The following ZBTB40 variants were observed in gnomAD, a reference collection of about 807,000 sequenced individuals.
ZBTB40 encodes zinc finger and BTB domain containing 40.
ZBTB40 carries 60 observed loss-of-function variants against 117.5 expected under a neutral mutation model. The observed-to-expected ratio is 0.51, with a 90% CI of 0.41 to 0.63. The LOEUF is 0.63. Ranked by LOEUF, ZBTB40 falls within the 30% of genes least tolerant of loss-of-function variation. ZBTB40 has a pLI of 0.00. For missense variants in ZBTB40, 1,287 were observed against 1,498.5 expected (o/e 0.86, Z 2.33); for synonymous variants, 525 against 577.1 (o/e 0.91, Z 1.29).
intron 1 of ZBTB40, among the ~76,000 whole-genome samples, chr1:22,461,952 A>G (rs1366097854): frequency 6.6e-6 from 1 of 152,150 alleles, no homozygotes; most frequent in Non-Finnish European, 1.5e-5. Flanking sequence ...CTGGGGCCAC[A>G]TGGGCTCCCA....
At chr1:22,501,465 A>G (rs374622337) in intron 3 of ZBTB40, 27 bp from the exon 4 acceptor site, 4 of 1,613,704 alleles carry the variant, frequency 2.5e-6, no homozygotes, top group Non-Finnish European at 3.4e-6. Context: ...TCGCTAATCT[A>G]TCTTTCTGGG....
intron 1 of ZBTB40, among the ~76,000 whole-genome samples, chr1:22,477,664 GAAAAGAAAA>G (rs1373746930): frequency 2.3e-4 from 34 of 146,990 alleles, no homozygotes; most frequent in African/African-American, 7.7e-4. Context: ...AAAAAAAAAA[GAAAAGAAAA>G]GAAAGAAAGC....
chr1:22,481,764 G>A (rs571616514), intron 1 of ZBTB40, among the ~76,000 whole-genome samples: 37 of 102,938 alleles, frequency 3.6e-4, no homozygotes, highest in African/African-American at 1.2e-3. Context: ...ACTGTAATCC[G>A]TAAGACTTAT....
At chr1:22,483,809 A>G (rs936597318) in intron 1 of ZBTB40, among the ~76,000 whole-genome samples, 2 of 152,244 alleles carry the variant, frequency 1.3e-5, no homozygotes, top group African/African-American at 2.4e-5. Flanking sequence ...TTGGTGTTGT[A>G]CCTAAAAAGA....
At chr1:22,488,865 C>T (rs894619268) in intron 1 of ZBTB40, among the ~76,000 whole-genome samples, 4 of 152,068 alleles carry the variant, frequency 2.6e-5, no homozygotes, top group African/African-American at 9.7e-5. Flanking sequence ...CTGCAGTAAT[C>T]TAGGTAAGAG....
chr1:22,510,520 C>G (rs1371934167), intron 9 of ZBTB40, among the ~76,000 whole-genome samples: 2 of 152,138 alleles, frequency 1.3e-5, no homozygotes, highest in Non-Finnish European at 2.9e-5. Flanking sequence ...ATGAAAATTC[C>G]GTTTGGCCAT....
At chr1:22,461,095 C>T (rs1043364480) in intron 1 of ZBTB40, among the ~76,000 whole-genome samples, 3 of 152,166 alleles carry the variant, frequency 2.0e-5, no homozygotes, top group African/African-American at 7.2e-5. Context: ...AATTAAATAA[C>T]AATGAAACTT....
chr1:22,502,804 C>T (rs1638977724), intron 5 of ZBTB40, among the ~76,000 whole-genome samples: 1 of 152,092 alleles, frequency 6.6e-6, no homozygotes, highest in Non-Finnish European at 1.5e-5. Flanking sequence ...ACAACTGTAT[C>T]CAGAATTAAA....
At chr1:22,505,431 T>C (rs1035961693) in intron 5 of ZBTB40, among the ~76,000 whole-genome samples, 8 of 152,194 alleles carry the variant, frequency 5.3e-5, no homozygotes, top group Non-Finnish European at 1.2e-4. Flanking sequence ...TGCTGAATTA[T>C]GACTGGAGCT....
In ZBTB40 at chr1:22,467,776, G is replaced by GT. The variant is rs35900750; in HGVS notation, c.-70+15791dup. Among the ~76,000 whole-genome samples, 323 of 130,432 alleles carry GT rather than the reference G, an allele frequency of 2.5e-3. 1 individual carries two copies. Among genetic ancestry groups the GT allele is most frequent in the South Asian group, 6.3e-3 (25 of 3,988 alleles). The allele number at this position is 130,432 out of a possible 152,430, so 85.6% of individuals were successfully genotyped here. A position where few individuals can be genotyped will look rare whatever the true frequency, so the allele number is the denominator to read the frequency against. ...AGACATGAGCCACTGTGTCAGGCCT[G>GT]TTTTTTTTTTTTTTTTTTTCCTGAT... On this transcript the variant is annotated intron_variant, in intron 1 of 17. Transcript: ENST00000375647.
rs774391940 is a variant in ZBTB40, at chr1:22,508,120, G to C, written c.1480G>C (p.Ala494Pro). 6.2e-7 allele frequency: 1 copy of C among 1,613,874 alleles called. No homozygotes were observed. Among genetic ancestry groups the C allele is most frequent in the Non-Finnish European group, 8.5e-7 (1 of 1,180,018 alleles). The change falls in exon 7 of 18, where the codon GCC becomes CCC. Residue 494 changes from alanine (A) to proline (P), a missense_variant. Around this residue, in one of 2 missense-constraint regions of ZBTB40, gnomAD observed 870 missense variants for 934.4 expected, o/e 0.93. Coordinates refer to ENST00000375647, the MANE Select transcript of ZBTB40 (RefSeq NM_014870.4). ...GATGATCTCACACATGACAAGTTTA[G>C]CCCCTGGAGAAAGAGAGGTAAGAGA... is the stretch of plus-strand genomic sequence containing the variant. Reference protein sequence around the residue: ...LKMISHMTSLAPGEREVMEKL... With the variant: ...LKMISHMTSLPPGEREVMEKL...
intron 1 of ZBTB40, among the ~76,000 whole-genome samples, chr1:22,429,333 A>C (rs572989466): frequency 5.9e-5 from 9 of 152,254 alleles, no homozygotes; most frequent in Non-Finnish European, 4.4e-5. Context: ...GTGAGCCGAC[A>C]TAGCGCCGTT....
At chr1:22,512,232 G>T in intron 11 of ZBTB40, 98 bp downstream of exon 11, 1 of 1,354,062 alleles carries the variant, frequency 7.4e-7, no homozygotes. Flanking sequence ...GAGGGCTGTG[G>T]GTGGGCTTAG....
At chr1:22,462,343 T>G (rs1483909005) in intron 1 of ZBTB40, among the ~76,000 whole-genome samples, 4 of 152,200 alleles carry the variant, frequency 2.6e-5, no homozygotes, top group Non-Finnish European at 5.9e-5. Context: ...AGGCCTCCAC[T>G]TCCTCATTTG....
rs1639220999 is a variant in ZBTB40 at position 22,511,167 on chromosome 1, G to A, written c.1834-12G>A. ...ATTAACCCCACACCTTTGTCTCCTGGTATTCATTTAGATTCTGAGCATTCC... is the reference window on the plus strand; with the variant it reads ...ATTAACCCCACACCTTTGTCTCCTGATATTCATTTAGATTCTGAGCATTCC... On this transcript the variant is annotated splice_polypyrimidine_tract_variant and intron_variant, in intron 9 of 17. Transcript: ENST00000375647. 6.2e-7 allele frequency: 1 copy of A among 1,612,626 alleles called. No homozygotes were observed. The highest frequency in any genetic ancestry group is 8.5e-7 in the Non-Finnish European group (1 of 1,179,758).
At chr1:22,478,756 C>T (rs1641611923) in intron 1 of ZBTB40, among the ~76,000 whole-genome samples, 1 of 152,100 alleles carries the variant, frequency 6.6e-6, no homozygotes, top group African/African-American at 2.4e-5. Flanking sequence ...GATGTTGGTG[C>T]ATTTTAGATA....
chr1:22,501,003 A>C (rs115799678), intron 3 of ZBTB40, among the ~76,000 whole-genome samples: 2,238 of 152,356 alleles, frequency 0.015, 59 homozygotes, highest in African/African-American at 0.052. Context: ...TGAAATACTT[A>C]AAATGCCAGA....
intron 3 of ZBTB40, among the ~76,000 whole-genome samples, chr1:22,500,319 C>T (rs1245188110): frequency 6.6e-6 from 1 of 152,120 alleles, no homozygotes; most frequent in African/African-American, 2.4e-5. Flanking sequence ...CCCCTGAGAC[C>T]TCTGGAGGAC....
At chr1:22,458,408 C>T (rs1050556002) in intron 1 of ZBTB40, among the ~76,000 whole-genome samples, 3 of 152,210 alleles carry the variant, frequency 2.0e-5, no homozygotes, top group African/African-American at 7.2e-5. Context: ...GTTGAAATCT[C>T]TCAGTGGCCA....
Sources: allele counts gnomAD v4.1 joint callset (sites outside exome capture counted in the v4.1 genomes callset), GRCh38; gene constraint gnomAD v4.1.1; regional missense constraint gnomAD v4.1.1; transcripts MANE v1.5; gene names NCBI Gene and HGNC (gene_info 2026-07-23, HGNC 2026-07-21).